HS3ST3B1: variants seen among roughly 807,000 people sequenced by gnomAD.
HS3ST3B1 encodes heparan sulfate-glucosamine 3-sulfotransferase 3B1.
HS3ST3B1 carries 13 observed loss-of-function variants against 21.3 expected under a neutral mutation model. The ratio of observed to expected loss-of-function variants is 0.61; its 90% CI spans 0.40 to 0.97. The LOEUF is 0.97. HS3ST3B1 is among the 50% of genes least tolerant of loss of function. The pLI is 0.00. For missense variants in HS3ST3B1, 459 were observed against 554.8 expected (o/e 0.83, Z 1.73); for synonymous variants, 234 against 254.8 (o/e 0.92, Z 0.78).
At chr17:14,326,656 C>T (rs947577612) in intron 1 of HS3ST3B1, among the ~76,000 whole-genome samples, 16 of 152,040 alleles carry the variant, frequency 1.1e-4, no homozygotes, top group African/African-American at 1.2e-4. Context: ...CCGTGGCTCA[C>T]GCCTGTAATC....
rs187972762 is a variant in HS3ST3B1, at chr17:14,345,620, A to G, written c.1147A>G (p.Thr383Ala). ...RPFNLKFYQM[T>A]GHDFGWD ...TTTCAACCTCAAGTTCTACCAGATG[A>G]CCGGGCACGACTTTGGCTGGGATTG... Residue 383 changes from threonine to alanine, a missense_variant, in exon 2 of 2, where the codon ACC becomes GCC. Coordinates refer to ENST00000360954, the MANE Select transcript of HS3ST3B1 (RefSeq NM_006041.3). 197 of 1,613,368 alleles carry G rather than the reference A, an allele frequency of 1.2e-4. 2 individuals carry two copies. In the East Asian group the frequency reaches 4.3e-3, roughly 35 times the overall value.
At position 14,311,525 on chromosome 17, in the gene HS3ST3B1, A is replaced by G. The variant is rs138907251; in HGVS notation, c.554+9453A>G. Among the ~76,000 whole-genome samples, 4 of 152,312 alleles carry G rather than the reference A, an allele frequency of 2.6e-5. No homozygotes were observed. In the East Asian group the frequency reaches 7.7e-4, roughly 29 times the overall value. ...CTGGCACATTTGTTACAACTGATGA[A>G]CCTGTGTTGACACGCTATCACTCAG... is the stretch of plus-strand genomic sequence containing the variant. On this transcript the variant is annotated intron_variant, in intron 1 of 1. Coordinates refer to ENST00000360954, the MANE Select transcript of HS3ST3B1 (RefSeq NM_006041.3).
rs141218044 is a variant in HS3ST3B1, at chr17:14,337,910, T to A, written c.555-7118T>A. Among the ~76,000 whole-genome samples, 666 of 151,852 alleles carry A rather than the reference T, an allele frequency of 4.4e-3. 30 individuals carry two copies. The highest frequency in any genetic ancestry group is 0.015 in the African/African-American group (637 of 41,154). The stretch of plus-strand genomic sequence containing the variant: ...CATGAATATCAGCAGAATACATGAC[T>A]AGATTATGACAAGTTCCAGGCCCAC... On this transcript the variant is annotated intron_variant, in intron 1 of 1. Coordinates refer to ENST00000360954, the MANE Select transcript of HS3ST3B1 (RefSeq NM_006041.3).
At chr17:14,302,830 C>A (rs1360368610) in intron 1 of HS3ST3B1, among the ~76,000 whole-genome samples, 1 of 152,250 alleles carries the variant, frequency 6.6e-6, no homozygotes, top group Admixed American at 6.5e-5. Context: ...TTCCGCCTCC[C>A]TGCCCTCGGT....
chr17:14,319,614 A>C (rs4791575), intron 1 of HS3ST3B1, among the ~76,000 whole-genome samples: 76,320 of 151,948 alleles, frequency 0.5, 20,254 homozygotes, highest in African/African-American at 0.68. Context: ...TTTTATGAAC[A>C]CTGTTCCTGC....
At position 14,344,885 on chromosome 17, in the gene HS3ST3B1, T is replaced by G. The variant is rs1001630137; in HGVS notation, c.555-143T>G. ...GTGGGATGCTAATCTACCTTTCAGCTCTAAAGTTCTACTTGCATTTTACAT... is the reference window on the plus strand; with the variant it reads ...GTGGGATGCTAATCTACCTTTCAGCGCTAAAGTTCTACTTGCATTTTACAT... On this transcript the variant is annotated intron_variant, in intron 1 of 1. Coordinates refer to ENST00000360954, the MANE Select transcript of HS3ST3B1 (RefSeq NM_006041.3). The G allele has an allele frequency of 1.1e-4, 142 of 1,295,140 alleles. No homozygotes were observed. The African/African-American group carries it at 1.9e-3, about 17-fold the overall frequency. The allele number at this position is 1,295,140 out of a possible 1,614,324, so 80.2% of individuals were successfully genotyped here.
chr17:14,324,462 G>T (rs1909747157), intron 1 of HS3ST3B1, among the ~76,000 whole-genome samples: 3 of 152,214 alleles, frequency 2.0e-5, no homozygotes, highest in African/African-American at 7.2e-5. Context: ...TGTGGCCCAG[G>T]CTGGTCTCGA....
At chr17:14,321,558 A>G (rs1416183217) in intron 1 of HS3ST3B1, among the ~76,000 whole-genome samples, 1 of 152,184 alleles carries the variant, frequency 6.6e-6, no homozygotes, top group Non-Finnish European at 1.5e-5. Context: ...TGTAAAGCAC[A>G]TTGTGAAATT....
chr17:14,326,559 G>A (rs1909822228), intron 1 of HS3ST3B1, among the ~76,000 whole-genome samples: 1 of 152,130 alleles, frequency 6.6e-6, no homozygotes, highest in African/African-American at 2.4e-5. Flanking sequence ...CTGTCTCATT[G>A]AGTAGGCTTT....
At position 14,330,459 on chromosome 17, in the gene HS3ST3B1, A is replaced by G. The variant is rs552655779; in HGVS notation, c.555-14569A>G. Reference sequence around the variant, plus strand: ...TGTCTGTGGCAGGGCAGGAACTGGAACCTAGAGTTTCATATGCCCAGTGCC... The same window carrying G: ...TGTCTGTGGCAGGGCAGGAACTGGAGCCTAGAGTTTCATATGCCCAGTGCC... On this transcript the variant is annotated intron_variant, in intron 1 of 1. Coordinates refer to ENST00000360954, the MANE Select transcript of HS3ST3B1 (RefSeq NM_006041.3). Among the ~76,000 whole-genome samples, 15 of 152,034 alleles carry G rather than the reference A, an allele frequency of 9.9e-5. 1 individual carries two copies. In the South Asian group the frequency reaches 2.9e-3, roughly 29 times the overall value.
At chr17:14,322,966 C>T (rs979404450) in intron 1 of HS3ST3B1, among the ~76,000 whole-genome samples, 9 of 143,112 alleles carry the variant, frequency 6.3e-5, no homozygotes, top group Non-Finnish European at 1.2e-4. Flanking sequence ...AGTGCAATGG[C>T]GCAATTTCGG....
At position 14,349,139 on chromosome 17, in the gene HS3ST3B1, G is replaced by A. The variant is rs191215224; in HGVS notation, c.*3493G>A. 6.6e-6 allele frequency: 1 copy of A among 152,252 alleles called. No homozygotes were observed. Among genetic ancestry groups the A allele is most frequent in the African/African-American group, 2.4e-5 (1 of 41,550 alleles). The allele number at this position is 152,252 out of a possible 1,614,324, so 9.4% of individuals were successfully genotyped here. ...GATGGCCAATAAAACTTAAAGGTGTGGTTAGATGTTTTCTCACTTTTGTGA... is the reference window on the plus strand; with the variant it reads ...GATGGCCAATAAAACTTAAAGGTGTAGTTAGATGTTTTCTCACTTTTGTGA... On this transcript the variant is annotated 3_prime_UTR_variant, in exon 2 of 2. Coordinates refer to ENST00000360954, the MANE Select transcript of HS3ST3B1 (RefSeq NM_006041.3).
Position 14,301,765 on chromosome 17 carries a change from G to C in HS3ST3B1, c.247G>C (p.Gly83Arg), listed in dbSNP as rs62636623. 2,430 of 1,577,038 alleles carry C rather than the reference G, an allele frequency of 1.5e-3. 26 individuals are homozygous for C. In the African/African-American group the frequency reaches 0.025, roughly 16 times the overall value. ...GCCAGCCCTGGCCACAGCTCCGGAC[G>C]GGACGCCCCCCAGGCTGCCGTTCCG... ...DPPALATAPDGTPPRLPFRAP... is the reference protein window; with the variant it reads ...DPPALATAPDRTPPRLPFRAP... The change falls in exon 1 of 2, where the codon GGG (glycine) becomes CGG (arginine). Residue 83 changes from glycine (G) to arginine (R), a missense_variant. Physicochemically the swap from Gly to Arg is moderately radical, Grantham distance 125 (BLOSUM62 -2). Coordinates refer to ENST00000360954, the MANE Select transcript of HS3ST3B1 (RefSeq NM_006041.3).
intron 1 of HS3ST3B1, among the ~76,000 whole-genome samples, chr17:14,318,851 T>A (rs1909575896): frequency 6.6e-6 from 1 of 152,210 alleles, no homozygotes; most frequent in African/African-American, 2.4e-5. Context: ...CCATGACTAT[T>A]TTGTGTTCTG....
chr17:14,313,115 T>TATATATAC lies in HS3ST3B1; in HGVS notation c.554+11050_554+11051insCATATATA, dbSNP rs1555548214. Among the ~76,000 whole-genome samples the TATATATAC allele has an allele frequency of 5.4e-5, 8 of 147,146 alleles. No individual in the cohort carries two copies. In the South Asian group the frequency reaches 6.6e-4, roughly 12 times the overall value. On this transcript the variant is annotated intron_variant, in intron 1 of 1. Coordinates refer to ENST00000360954, the MANE Select transcript of HS3ST3B1 (RefSeq NM_006041.3). ...TGTGGTGTGTGTGTGTGTGTATATA[T>TATATATAC]ATATATATGTGTGTGTGTGTATATA...
In HS3ST3B1 at chr17:14,345,759, A is replaced by G. The variant is rs1026309486; in HGVS notation, c.*113A>G. 7.6e-7 allele frequency: 1 copy of G among 1,314,514 alleles called. No individual in the cohort carries two copies. Among genetic ancestry groups the G allele is most frequent in the Non-Finnish European group, 1.0e-6 (1 of 979,582 alleles). The allele number at this position is 1,314,514 out of a possible 1,614,324, so 81.4% of individuals were successfully genotyped here. A position where few individuals can be genotyped will look rare whatever the true frequency, so the allele number is the denominator to read the frequency against. On this transcript the variant is annotated 3_prime_UTR_variant, in exon 2 of 2. Transcript: ENST00000360954. ...ATAATTTATTTTTAATTCATAAGCA[A>G]TTAATTCACTAAGCTGCCTAGCCAC...
chr17:14,335,300 G>A (rs73257312), intron 1 of HS3ST3B1, among the ~76,000 whole-genome samples: 1 of 152,152 alleles, frequency 6.6e-6, no homozygotes, highest in Non-Finnish European at 1.5e-5. Context: ...GGAAGCTGAA[G>A]CCCAGAAAAG....
At chr17:14,338,187 G>A (rs1910247036) in intron 1 of HS3ST3B1, among the ~76,000 whole-genome samples, 1 of 151,440 alleles carries the variant, frequency 6.6e-6, no homozygotes, top group Non-Finnish European at 1.5e-5. Flanking sequence ...GTGCAGTGGT[G>A]CAATCTCAGC....
At chr17:14,321,937 T>A (rs1045089545) in intron 1 of HS3ST3B1, among the ~76,000 whole-genome samples, 1 of 151,948 alleles carries the variant, frequency 6.6e-6, no homozygotes, top group Non-Finnish European at 1.5e-5. Context: ...TATATATATA[T>A]ACACACATCA....
Sources: gnomAD v4.1 joint callset for allele counts (sites outside exome capture counted in the v4.1 genomes callset) on GRCh38, gnomAD v4.1.1 for gene constraint, MANE v1.5 for transcripts, NCBI Gene and HGNC (gene_info 2026-07-23, HGNC 2026-07-21) for gene names.